OPCML: variants seen among roughly 807,000 people sequenced by gnomAD.
OPCML encodes the protein opioid binding protein/cell adhesion molecule like, also known as opioid-binding protein/cell adhesion molecule.
In OPCML, 13 loss-of-function variants were observed where a neutral mutation model predicts 37.8. The observed-to-expected ratio is 0.34, with a 90% CI of 0.22 to 0.55. The LOEUF is 0.55. Ranked by LOEUF, OPCML falls within the 20% of genes least tolerant of loss-of-function variation. The probability of loss-of-function intolerance (pLI) is 0.91; values close to 1 mark genes in which losing one functional copy is unlikely to be tolerated. For missense variants in OPCML, 341 were observed against 435.6 expected (o/e 0.78, Z 1.93); for synonymous variants, 176 against 168.8 (o/e 1.04, Z -0.33).
At chr11:133,394,213 A>T (rs1945238309) in intron 1 of OPCML, among the ~76,000 whole-genome samples, 1 of 152,210 alleles carries the variant, frequency 6.6e-6, no homozygotes, top group Admixed American at 6.5e-5. Flanking sequence ...TAGTTGCCAA[A>T]TTATGTTAAC....
intron 3 of OPCML, among the ~76,000 whole-genome samples, chr11:132,537,146 C>T (rs2096342948): frequency 6.6e-6 from 1 of 152,114 alleles, no homozygotes; most frequent in Non-Finnish European, 1.5e-5. Flanking sequence ...TTTCTTGAAG[C>T]CTAGCATTAA....
intron 1 of OPCML, among the ~76,000 whole-genome samples, chr11:133,258,275 G>T (rs1316363254): frequency 6.6e-6 from 1 of 152,168 alleles, no homozygotes; most frequent in Admixed American, 6.5e-5. Flanking sequence ...GAGTGGCAAA[G>T]ATCTTTTTAT....
chr11:133,135,361 C>A (rs1332743271), intron 1 of OPCML, among the ~76,000 whole-genome samples: 2 of 151,854 alleles, frequency 1.3e-5, no homozygotes, highest in African/African-American at 2.4e-5. Flanking sequence ...CTGTTTCTGT[C>A]CTGTTTCTCC....
At chr11:132,850,910 AG>A (rs945341950) in intron 2 of OPCML, among the ~76,000 whole-genome samples, 2 of 152,222 alleles carry the variant, frequency 1.3e-5, no homozygotes, top group Non-Finnish European at 2.9e-5. Context: ...TTCTAAATAA[AG>A]GCCAAATATA....
intron 1 of OPCML, among the ~76,000 whole-genome samples, chr11:133,201,045 T>C (rs994608329): frequency 6.6e-6 from 1 of 152,178 alleles, no homozygotes; most frequent in Non-Finnish European, 1.5e-5. Flanking sequence ...ATCCGAGCAC[T>C]GCATATTCTC....
chr11:133,244,818 C>T (rs1279640022), intron 1 of OPCML, among the ~76,000 whole-genome samples: 1 of 152,172 alleles, frequency 6.6e-6, no homozygotes, highest in Admixed American at 6.5e-5. Context: ...GCTGTTGAAG[C>T]TGGGAGTCGA....
intron 1 of OPCML, among the ~76,000 whole-genome samples, chr11:133,112,066 G>A (rs559713593): frequency 9.2e-4 from 140 of 152,112 alleles, no homozygotes; most frequent in African/African-American, 3.2e-3. Flanking sequence ...TATATTGCCA[G>A]GATTGCATGC....
At chr11:132,604,999 A>T (rs1938185636) in intron 3 of OPCML, among the ~76,000 whole-genome samples, 1 of 152,214 alleles carries the variant, frequency 6.6e-6, no homozygotes, top group Non-Finnish European at 1.5e-5. Context: ...GTAAAAATTA[A>T]TCTGGCCCTG....
intron 2 of OPCML, among the ~76,000 whole-genome samples, chr11:132,737,968 G>C (rs528905632): frequency 6.6e-6 from 1 of 151,944 alleles, no homozygotes; most frequent in African/African-American, 2.4e-5. Context: ...TCTATAAATC[G>C]CCCCCAGTCT....
intron 3 of OPCML, among the ~76,000 whole-genome samples, chr11:132,621,832 T>C (rs974247622): frequency 1.3e-5 from 2 of 152,170 alleles, no homozygotes; most frequent in Non-Finnish European, 2.9e-5. Context: ...AAGTTTGCCA[T>C]GAAAACATAT....
intron 3 of OPCML, among the ~76,000 whole-genome samples, chr11:132,547,739 G>T (rs534244910): frequency 6.6e-6 from 1 of 152,150 alleles, no homozygotes; most frequent in East Asian, 1.9e-4. Context: ...CATCAAGGGG[G>T]TGGAGGGGAA....
At chr11:132,993,128 C>T (rs1946811587) in intron 1 of OPCML, among the ~76,000 whole-genome samples, 1 of 152,194 alleles carries the variant, frequency 6.6e-6, no homozygotes, top group Non-Finnish European at 1.5e-5. Flanking sequence ...AGAGCATGCA[C>T]GTTACCATAG....
At chr11:133,123,361 GTTGT>G (rs1565458669) in intron 1 of OPCML, among the ~76,000 whole-genome samples, 1 of 152,136 alleles carries the variant, frequency 6.6e-6, no homozygotes, top group Non-Finnish European at 1.5e-5. Context: ...GGACCATATT[GTTGT>G]TTATCAAAGT....
intron 1 of OPCML, among the ~76,000 whole-genome samples, chr11:133,145,807 G>A (rs1019168850): frequency 6.6e-6 from 1 of 152,134 alleles, no homozygotes; most frequent in African/African-American, 2.4e-5. Context: ...GGCAGGCTGT[G>A]GTTGCTGAGT....
chr11:132,946,827 A>T (rs1945755064), intron 1 of OPCML, among the ~76,000 whole-genome samples: 1 of 152,156 alleles, frequency 6.6e-6, no homozygotes, highest in South Asian at 2.1e-4. Flanking sequence ...GTCTTTTCTC[A>T]AGACTTGAGT....
At chr11:133,454,886 G>A (rs1293198274) in intron 1 of OPCML, among the ~76,000 whole-genome samples, 2 of 152,094 alleles carry the variant, frequency 1.3e-5, no homozygotes, top group Non-Finnish European at 2.9e-5. Context: ...GTCCAGAGTT[G>A]GATAAAAAGA....
intron 1 of OPCML, among the ~76,000 whole-genome samples, chr11:133,013,922 C>T (rs1045639182): frequency 2.6e-4 from 40 of 152,292 alleles, no homozygotes; most frequent in Admixed American, 5.9e-4. Context: ...AGCAGATGCA[C>T]GACAGCTCTG....
intron 1 of OPCML, among the ~76,000 whole-genome samples, chr11:133,434,627 T>C (rs921690043): frequency 1.3e-5 from 2 of 151,880 alleles, no homozygotes; most frequent in Admixed American, 1.3e-4. Flanking sequence ...TTTATCTGCT[T>C]AGCTCCATAC....
In OPCML at chr11:133,174,040, T is replaced by C. The variant is rs1449050518; in HGVS notation, c.62-231030A>G. ...CATGGAGAAACGGCCTGGCAGGCCCTGCACTGCGGCCATAAATCAGGAACT... is the reference window on the plus strand; with the variant it reads ...CATGGAGAAACGGCCTGGCAGGCCCCGCACTGCGGCCATAAATCAGGAACT... On this transcript the variant is annotated intron_variant, in intron 1 of 7. Coordinates refer to ENST00000524381, the MANE Select transcript of OPCML (RefSeq NM_001012393.5). The surrounding 1 kb of genome is among the most constrained non-coding windows in gnomAD (Gnocchi z 4.6). Among the ~76,000 whole-genome samples, 17 of 152,242 alleles carry C rather than the reference T, an allele frequency of 1.1e-4. 1 individual carries two copies. The East Asian group carries it at 3.1e-3, about 28-fold the overall frequency.
Sources: allele counts gnomAD v4.1 joint callset (sites outside exome capture counted in the v4.1 genomes callset), GRCh38; gene constraint gnomAD v4.1.1; non-coding constraint Gnocchi (gnomAD v3.1); transcripts MANE v1.5; gene names NCBI Gene and HGNC (gene_info 2026-07-23, HGNC 2026-07-21).